The following PPFIA3 variants were observed in gnomAD, a reference collection of about 807,000 sequenced individuals.
PPFIA3 encodes the protein liprin-alpha-3.
A neutral mutation model predicts 145.8 loss-of-function variants in PPFIA3; 26 were observed. The observed-to-expected ratio is 0.18, with a 90% CI of 0.13 to 0.25. PPFIA3 has a LOEUF of 0.25. PPFIA3 is among the 10% of genes least tolerant of loss of function. The pLI is 1.00. For synonymous variants in PPFIA3, 645 were observed against 661.4 expected (o/e 0.98, Z 0.38); for missense variants, 1,008 against 1,587.8 (o/e 0.63, Z 6.21).
chr19:49,134,958 T>C (rs567712624), intron 13 of PPFIA3, 43 bp downstream of exon 13: 3 of 1,496,334 alleles, frequency 2.0e-6, no homozygotes, highest in Non-Finnish European at 1.8e-6. Flanking sequence ...TGGAGCCCCG[T>C]TGGCCAAGCG....
intron 21 of PPFIA3, 81 bp from the exon 22 acceptor site, chr19:49,145,862 G>A (rs1163669766): frequency 7.9e-7 from 1 of 1,265,012 alleles, no homozygotes; most frequent in South Asian, 1.2e-5. Context: ...GTGTGGCCCA[G>A]GGCCTTCAGG....
At position 49,143,009 on chromosome 19, in the gene PPFIA3, G is replaced by C; in HGVS notation, c.2745+5G>C. The C allele has an allele frequency of 6.2e-7, 1 of 1,601,572 alleles. No individual in the cohort carries two copies. The highest frequency in any genetic ancestry group is 8.5e-7 in the Non-Finnish European group (1 of 1,176,546). On this transcript the variant is annotated splice_donor_5th_base_variant and intron_variant, in intron 21 of 29. Transcript: ENST00000334186. ...GCCCCCGCCTCCTCCCGCACTGTGA[G>C]TGTCCGGCGGCCAATTCCAGCCTTC...
intron 11 of PPFIA3, 92 bp downstream of exon 11, chr19:49,134,257 T>C (rs2041110746): frequency 1.4e-6 from 2 of 1,465,050 alleles, no homozygotes; most frequent in Non-Finnish European, 1.8e-6. Flanking sequence ...TCAGATCTGT[T>C]ATCGGAGGCC....
intron 21 of PPFIA3, 109 bp from the exon 22 acceptor site, chr19:49,145,834 A>C: frequency 1.1e-6 from 1 of 920,372 alleles, no homozygotes; most frequent in Non-Finnish European, 1.8e-6. Context: ...TGCCCCAGAA[A>C]GCAGGAGGGA....
intron 1 of PPFIA3, among the ~76,000 whole-genome samples, chr19:49,127,243 A>G (rs2041010248): frequency 6.6e-6 from 1 of 151,634 alleles, no homozygotes; most frequent in Non-Finnish European, 1.5e-5. Flanking sequence ...TTAGCTGGGC[A>G]TGGTGGCGGG....
intron 15 of PPFIA3, among the ~76,000 whole-genome samples, chr19:49,137,776 A>G (rs1184822589): frequency 6.6e-6 from 1 of 152,048 alleles, no homozygotes; most frequent in East Asian, 1.9e-4. Flanking sequence ...CAAATATACC[A>G]TGACCACCAC....
At position 49,120,738 on chromosome 19, in the gene PPFIA3, C is replaced by T. The variant is rs1156275012; in HGVS notation, c.-16+1016C>T. ...CAGTTCTCTGACTTCTGTTCACACTCCCACTTGGGGACCTAAATGTCTTGG... is the reference window on the plus strand; with the variant it reads ...CAGTTCTCTGACTTCTGTTCACACTTCCACTTGGGGACCTAAATGTCTTGG... On this transcript the variant is annotated intron_variant, in intron 1 of 29. Coordinates refer to ENST00000334186, the MANE Select transcript of PPFIA3 (RefSeq NM_003660.4). This position sits in a 1 kb window ranked among gnomAD's most constrained non-coding sequence, Gnocchi z 4.6. 6.6e-6 allele frequency among the ~76,000 whole-genome samples: 1 copy of T among 152,210 alleles called. No individual in the cohort carries two copies. Among genetic ancestry groups the T allele is most frequent in the African/African-American group, 2.4e-5 (1 of 41,446 alleles).
chr19:49,134,016 C>T lies in PPFIA3; in HGVS notation c.1246-18C>T, dbSNP rs1270070745. The T allele has an allele frequency of 8.1e-6, 13 of 1,609,112 alleles. No individual in the cohort carries two copies. The highest frequency in any genetic ancestry group is 2.2e-5 in the East Asian group (1 of 44,854). ...GGCAGGGTGGGCTTAACAACCCGCC[C>T]CGCTCTGCTTTGCGCAGGCCCGGCA... On this transcript the variant is annotated intron_variant, in intron 10 of 29. Coordinates refer to ENST00000334186, the MANE Select transcript of PPFIA3 (RefSeq NM_003660.4).
At chr19:49,139,305 C>T (rs1178819479) in intron 16 of PPFIA3, among the ~76,000 whole-genome samples, 1 of 143,354 alleles carries the variant, frequency 7.0e-6, no homozygotes, top group African/African-American at 2.6e-5. Flanking sequence ...AGCCTGGCGA[C>T]AGAGCTAGAC....
At chr19:49,141,662 G>T in intron 19 of PPFIA3, 149 bp downstream of exon 19, 1 of 565,522 alleles carries the variant, frequency 1.8e-6, no homozygotes, top group Non-Finnish European at 2.9e-6. Flanking sequence ...GTGGTGAACA[G>T]AAATGGGAAT....
chr19:49,132,940 G>T, intron 7 of PPFIA3, 61 bp from the exon 8 acceptor site: 1 of 1,565,704 alleles, frequency 6.4e-7, no homozygotes, highest in African/African-American at 1.4e-5. Context: ...GGGAACAAGG[G>T]GGTTCCCCGT....
At chr19:49,122,714 GTTTTT>G (rs200075853) in intron 1 of PPFIA3, among the ~76,000 whole-genome samples, 2 of 114,874 alleles carry the variant, frequency 1.7e-5, no homozygotes, top group African/African-American at 6.3e-5. Flanking sequence ...TTGTTTAGTT[GTTTTT>G]TTTTTTTTTT....
Position 49,136,789 on chromosome 19 carries a change from C to A in PPFIA3, c.1731C>A (p.Ser577=). ...PPPFPGELDG[S]DEEEAEGMFG... ...CATTCCCTGGGGAACTGGACGGCTC[C>A]GATGAGGAGGAGGCAGAGGGGATGT... The change falls in exon 15 of 30, where the codon TCC becomes TCA. Residue 577 remains serine, a synonymous_variant. Coordinates refer to ENST00000334186, the MANE Select transcript of PPFIA3 (RefSeq NM_003660.4). The A allele has an allele frequency of 6.3e-7, 1 of 1,592,156 alleles. No homozygotes were observed. The highest frequency in any genetic ancestry group is 8.6e-7 in the Non-Finnish European group (1 of 1,169,486).
intron 17 of PPFIA3, 49 bp from the exon 18 acceptor site, chr19:49,139,912 A>G (rs1242287044): frequency 2.5e-6 from 4 of 1,613,404 alleles, no homozygotes. Flanking sequence ...TTGGGAGGAG[A>G]GGGGGCATCT....
intron 21 of PPFIA3, among the ~76,000 whole-genome samples, chr19:49,144,781 A>G (rs753315339): frequency 2.6e-5 from 4 of 151,924 alleles, no homozygotes; most frequent in Non-Finnish European, 5.9e-5. Context: ...ATGCTCAGAG[A>G]CCTGTACTTG....
chr19:49,138,970 CAAA>C (rs36111399), intron 16 of PPFIA3, among the ~76,000 whole-genome samples: 3 of 140,740 alleles, frequency 2.1e-5, no homozygotes, highest in Non-Finnish European at 1.5e-5. Context: ...AACTGTGTCT[CAAA>C]AAAAAAAAAA....
Position 49,143,011 on chromosome 19 carries a change from G to C in PPFIA3, c.2745+7G>C, listed in dbSNP as rs2041241779. 4 of 1,600,996 alleles carry C rather than the reference G, an allele frequency of 2.5e-6. No individual in the cohort carries two copies. In the East Asian group the frequency reaches 8.9e-5, roughly 36 times the overall value. ...CCCCGCCTCCTCCCGCACTGTGAGT[G>C]TCCGGCGGCCAATTCCAGCCTTCGC... On this transcript the variant is annotated splice_region_variant and intron_variant, in intron 21 of 29. Transcript: ENST00000334186.
chr19:49,135,992 A>C, intron 14 of PPFIA3, 69 bp downstream of exon 14: 1 of 1,431,830 alleles, frequency 7.0e-7, no homozygotes, highest in Non-Finnish European at 9.2e-7. Context: ...GTGGAACTAA[A>C]TCTGTGGGGC....
At chr19:49,127,316 A>AGGT (rs973315488) in intron 1 of PPFIA3, among the ~76,000 whole-genome samples, 5 of 127,760 alleles carry the variant, frequency 3.9e-5, no homozygotes, top group African/African-American at 1.5e-4. Context: ...GGGACCCGGG[A>AGGT]GGTGGAGGCT....
Sources: gnomAD v4.1 joint callset for allele counts (sites outside exome capture counted in the v4.1 genomes callset) on GRCh38, gnomAD v4.1.1 for gene constraint, Gnocchi (gnomAD v3.1) non-coding constraint, MANE v1.5 for transcripts, NCBI Gene and HGNC (gene_info 2026-07-23, HGNC 2026-07-21) for gene names.